FANCA: variants seen among roughly 807,000 people sequenced by gnomAD.
The protein encoded by FANCA is Fanconi anemia group A protein.
Under a neutral mutation model 194.3 loss-of-function variants are expected in FANCA, and 236 were observed. That is an observed-to-expected ratio of 1.21 (90% CI 1.09 to 1.35). The LOEUF (loss-of-function observed/expected upper bound fraction) is 1.35, where lower values mean the gene tolerates loss of function less well. FANCA is among the 40% of genes most tolerant of loss of function. The probability of loss-of-function intolerance (pLI) is 0.00; values close to 1 mark genes in which losing one functional copy is unlikely to be tolerated. For synonymous variants in FANCA, 1,014 were observed against 715.8 expected (o/e 1.42, Z -6.65); for missense variants, 2,628 against 1,813.9 (o/e 1.45, Z -8.15).
At position 89,814,715 on chromosome 16, in the gene FANCA, G is replaced by A; in HGVS notation, c.190-102C>T. On this transcript the variant is annotated intron_variant, in intron 2 of 42. Transcript: ENST00000389301. The stretch of plus-strand genomic sequence containing the variant: ...CCCAGTACTTTGGGAGGCCGAGATG[G>A]GCAGATCACGAGGTCAAGAGTTCGA... 3.7e-6 allele frequency: 3 copies of A among 803,840 alleles called. No individual in the cohort carries two copies. The South Asian group carries it at 4.1e-5, about 11-fold the overall frequency. The allele number at this position is 803,840 out of a possible 1,614,324, so 49.8% of individuals were successfully genotyped here.
chr16:89,778,820 A>C lies in FANCA; in HGVS notation c.1807T>G (p.Phe603Val). The change falls in exon 20 of 43, where the codon TTT becomes GTT. Residue 603 changes from phenylalanine (F) to valine (V), a missense_variant. Transcript: ENST00000389301. ...LPKVPDSRVA[F>V]IESLKRADKI... Reference sequence around the variant, plus strand: ...GCATACCTCTTCAGAGACTCTATAAACGCCACACGGGAGTCAGGGACTTTG... The same window carrying C: ...GCATACCTCTTCAGAGACTCTATAACCGCCACACGGGAGTCAGGGACTTTG... 1 of 1,613,954 alleles carries C rather than the reference A, an allele frequency of 6.2e-7. No homozygotes were observed. The highest frequency in any genetic ancestry group is 8.5e-7 in the Non-Finnish European group (1 of 1,179,982).
chr16:89,810,507 G>A (rs1248086801), intron 5 of FANCA, 200 bp downstream of exon 5: 3 of 594,238 alleles, frequency 5.0e-6, no homozygotes, highest in South Asian at 1.9e-5. Flanking sequence ...AATGATAGGT[G>A]AATAGGGACA....
chr16:89,803,440 T>C (rs2143616931), intron 7 of FANCA, 99 bp from the exon 8 acceptor site: 6 of 1,124,518 alleles, frequency 5.3e-6, no homozygotes, highest in African/African-American at 3.0e-5. Flanking sequence ...GGTGAGCATA[T>C]GGCTTGGGCC....
rs1440013855 is a variant in FANCA, at chr16:89,738,604, G to A, written c.4365C>T (p.Phe1455=). 2.5e-6 allele frequency: 4 copies of A among 1,613,086 alleles called. No individual in the cohort carries two copies. The African/African-American group carries it at 5.3e-5, about 22-fold the overall frequency. The change falls in exon 43 of 43, where the codon TTC becomes TTT. Residue 1455 remains phenylalanine, a synonymous_variant. Coordinates refer to ENST00000389301, the MANE Select transcript of FANCA (RefSeq NM_000135.4). ...DADLSQEPHL[F] ...TGGTGTGCAGTGGCAGGTCCCGTCA[G>A]AAGAGATGAGGCTCCTGGGACAGGT...
intron 17 of FANCA, 48 bp downstream of exon 17, chr16:89,782,811 A>G (rs1313563462): frequency 6.6e-7 from 1 of 1,521,580 alleles, no homozygotes; most frequent in Non-Finnish European, 9.1e-7. Flanking sequence ...GGACCTTTGC[A>G]TGGTGGGCGT....
intron 28 of FANCA, among the ~76,000 whole-genome samples, chr16:89,764,292 G>A (rs937418155): frequency 2.6e-5 from 4 of 152,052 alleles, no homozygotes; most frequent in African/African-American, 7.2e-5. Flanking sequence ...AGTATAGCAG[G>A]GTTTCTCTGT....
At chr16:89,801,860 C>G (rs1249005131) in intron 8 of FANCA, among the ~76,000 whole-genome samples, 1 of 151,886 alleles carries the variant, frequency 6.6e-6, no homozygotes, top group Non-Finnish European at 1.5e-5. Context: ...TGCACTCTAG[C>G]CTGAGCAACA....
rs1217488788 is a variant in FANCA, at chr16:89,739,570, T to C, written c.3935-17A>G. ...GCCTGAGGTCTGCAACACCAAGAAG[T>C]GGCTCAGGCAACTCTGGACATCTCT... On this transcript the variant is annotated splice_polypyrimidine_tract_variant and intron_variant, in intron 39 of 42. Transcript: ENST00000389301. The C allele has an allele frequency of 6.4e-7, 1 of 1,550,550 alleles. No individual in the cohort carries two copies. Among genetic ancestry groups the C allele is most frequent in the Admixed American group, 2.0e-5 (1 of 50,994 alleles).
chr16:89,751,856 C>T (rs1246389375), intron 31 of FANCA, among the ~76,000 whole-genome samples: 6 of 151,992 alleles, frequency 3.9e-5, no homozygotes, highest in Non-Finnish European at 5.9e-5. Context: ...CTGCAAGCTC[C>T]GCCTCCTGGG....
At chr16:89,748,810 A>C in intron 32 of FANCA, 43 bp from the exon 33 acceptor site, 1 of 1,502,090 alleles carries the variant, frequency 6.7e-7, no homozygotes. Context: ...CACAGCGTAC[A>C]CTCTGCTCCT....
chr16:89,776,655 G>A (rs930472962), intron 20 of FANCA, among the ~76,000 whole-genome samples: 13 of 151,778 alleles, frequency 8.6e-5, no homozygotes, highest in African/African-American at 1.9e-4. Context: ...GTGAAACCCT[G>A]TGTCTACTAA....
Position 89,771,826 on chromosome 16 carries a change from G to GA in FANCA, c.2015-13dup, listed in dbSNP as rs778705624. On this transcript the variant is annotated splice_polypyrimidine_tract_variant and intron_variant, in intron 22 of 42. Coordinates refer to ENST00000389301, the MANE Select transcript of FANCA (RefSeq NM_000135.4). ...CTGTGCCGATATAACTGCGAAGGAA[G>GA]AAACTAGTTAGGGATGACAAGAACC... 2.5e-6 allele frequency: 4 copies of GA among 1,613,528 alleles called. No individual in the cohort carries two copies. In the African/African-American group the frequency reaches 5.3e-5, roughly 22 times the overall value.
At chr16:89,784,504 G>C (rs778757962) in intron 15 of FANCA, among the ~76,000 whole-genome samples, 8 of 151,042 alleles carry the variant, frequency 5.3e-5, no homozygotes, top group Non-Finnish European at 1.0e-4. Flanking sequence ...ACTGGGTGCT[G>C]AGAACGTCTC....
intron 30 of FANCA, among the ~76,000 whole-genome samples, chr16:89,757,168 A>G (rs1250491331): frequency 6.6e-6 from 1 of 151,624 alleles, no homozygotes; most frequent in Non-Finnish European, 1.5e-5. Flanking sequence ...AGACGGTTTC[A>G]CCAGGCTGGT....
intron 8 of FANCA, among the ~76,000 whole-genome samples, chr16:89,800,313 C>T (rs2040400338): frequency 6.6e-6 from 1 of 152,210 alleles, no homozygotes. Flanking sequence ...TTGTCCATTT[C>T]CCTTCTTCAC....
At chr16:89,791,282 C>G in intron 14 of FANCA, 121 bp downstream of exon 14, 1 of 1,388,112 alleles carries the variant, frequency 7.2e-7, no homozygotes, top group Non-Finnish European at 9.9e-7. Context: ...GGCCACTCGG[C>G]AAAGCTGACA....
At chr16:89,750,794 AC>A (rs1001613019) in intron 31 of FANCA, among the ~76,000 whole-genome samples, 5 of 149,474 alleles carry the variant, frequency 3.3e-5, no homozygotes, top group Non-Finnish European at 7.5e-5. Context: ...CAAAACAACA[AC>A]AAAAAAAAAC....
Position 89,805,277 on chromosome 16 carries a change from C to A in FANCA, c.709+3G>T. 1 of 1,611,242 alleles carries A rather than the reference C, an allele frequency of 6.2e-7. No homozygotes were observed. The highest frequency in any genetic ancestry group is 8.5e-7 in the Non-Finnish European group (1 of 1,177,566). The stretch of plus-strand genomic sequence containing the variant: ...AAGAACCCGCATCTTGTCATGAACG[C>A]ACCAGAAAGCATGGCCCTGGCGACG... On this transcript the variant is annotated splice_donor_region_variant and intron_variant, in intron 7 of 42. Coordinates refer to ENST00000389301, the MANE Select transcript of FANCA (RefSeq NM_000135.4).
At position 89,738,614 on chromosome 16, in the gene FANCA, G is replaced by C. The variant is rs897557830; in HGVS notation, c.4355C>G (p.Pro1452Arg). The change falls in exon 43 of 43, where the codon CCT (proline) becomes CGT (arginine). Residue 1452 changes from proline to arginine, a missense_variant. Pro to Arg is a moderately radical substitution (Grantham distance 103, BLOSUM62 -2). Transcript: ENST00000389301. Reference protein sequence around the residue: ...AAPDADLSQEPHLF With the variant: ...AAPDADLSQERHLF ...TGGCAGGTCCCGTCAGAAGAGATGA[G>C]GCTCCTGGGACAGGTCAGCGTCAGG... 1.1e-5 allele frequency: 18 copies of C among 1,613,416 alleles called. No homozygotes were observed. Among genetic ancestry groups the C allele is most frequent in the Non-Finnish European group, 1.4e-5 (17 of 1,180,026 alleles).
Sources: allele counts gnomAD v4.1 joint callset (sites outside exome capture counted in the v4.1 genomes callset), GRCh38; gene constraint gnomAD v4.1.1; transcripts MANE v1.5; gene names NCBI Gene and HGNC (gene_info 2026-07-23, HGNC 2026-07-21).